Variants in HEATR4 observed in about 807,000 individuals in gnomAD.
The protein encoded by HEATR4 is HEAT repeat containing 4.
HEATR4 carries 95 observed loss-of-function variants against 108.8 expected under a neutral mutation model. The ratio of observed to expected loss-of-function variants is 0.87; its 90% CI spans 0.74 to 1.04. The LOEUF (loss-of-function observed/expected upper bound fraction) is 1.04. Among genes scored for constraint, HEATR4 ranks in the 50% least tolerant of loss-of-function variants. The pLI is 0.00. For missense variants in HEATR4, 1,152 were observed against 1,253.8 expected, an observed-to-expected ratio of 0.92 and a Z score of 1.23; for synonymous variants, 443 against 459.4, an observed-to-expected ratio of 0.96 and a Z score of 0.46.
the HEATR4 span, chr14:73,593,961 G>A: frequency 3.4e-6 from 5 of 1,474,748 alleles, no homozygotes; most frequent in Admixed American, 7.7e-5. Context: ...CATAGAGAGT[G>A]TAACCTTTAC....
the HEATR4 span, among the ~76,000 whole-genome samples, chr14:73,586,560 G>C: frequency 6.6e-6 from 1 of 151,918 alleles, no homozygotes; most frequent in South Asian, 2.1e-4. Flanking sequence ...CAAAAAATTA[G>C]CCTGGCGTGG....
rs1461899734 is a variant in HEATR4 at position 73,478,721 on chromosome 14, G to A, written c.2966C>T (p.Ala989Val). The A allele has an allele frequency of 9.3e-6, 15 of 1,613,854 alleles. No homozygotes were observed. Among genetic ancestry groups the A allele is most frequent in the Non-Finnish European group, 1.2e-5 (14 of 1,179,986 alleles). Reference protein sequence around the residue: ...DLRTSPEKRIAVGPFRSDYPA... With the variant: ...DLRTSPEKRIVVGPFRSDYPA... ...GTAGTCGGATCTAAATGGTCCCACAGCAATCCTTTTCTCGGGGGAGGTGCG... is the reference window on the plus strand; with the variant it reads ...GTAGTCGGATCTAAATGGTCCCACAACAATCCTTTTCTCGGGGGAGGTGCG... Residue 989 changes from alanine (A) to valine (V), a missense_variant, in exon 18 of 18, where the codon GCT (alanine) becomes GTT (valine). Coordinates refer to ENST00000553558, the MANE Select transcript of HEATR4 (RefSeq NM_001220484.1).
At chr14:73,564,735 T>C in the HEATR4 span, among the ~76,000 whole-genome samples, 1 of 143,192 alleles carries the variant, frequency 7.0e-6, no homozygotes, top group South Asian at 2.3e-4. Flanking sequence ...TTTGTTTTTT[T>C]TTTTTTTTTT....
At chr14:73,619,456 A>T in the HEATR4 span, 1 of 1,614,228 alleles carries the variant, frequency 6.2e-7, no homozygotes, top group South Asian at 1.1e-5. Context: ...TTTTATGGAC[A>T]CTTGGAGCAA....
Position 73,495,092 on chromosome 14 carries a change from T to C in HEATR4, c.2785+136A>G, listed in dbSNP as rs977062393. On this transcript the variant is annotated intron_variant, in intron 16 of 17. Coordinates refer to ENST00000553558, the MANE Select transcript of HEATR4 (RefSeq NM_001220484.1). The stretch of plus-strand genomic sequence containing the variant: ...AAAAACACAAAGACTGAGTGGATGG[T>C]AGCCAAGAGGGAAGAGAGTACCCTT... 4 of 629,618 alleles carry C rather than the reference T, an allele frequency of 6.4e-6. No individual in the cohort carries two copies. The African/African-American group carries it at 7.4e-5, about 12-fold the overall frequency. 39.0% of individuals were successfully genotyped at this position (629,618 alleles called of 1,614,324 possible). A position where few individuals can be genotyped will look rare whatever the true frequency, so the allele number is the denominator to read the frequency against.
At chr14:73,590,781 C>T in the HEATR4 span, among the ~76,000 whole-genome samples, 3 of 151,774 alleles carry the variant, frequency 2.0e-5, no homozygotes, top group African/African-American at 4.8e-5. Context: ...GCCCGCAAGC[C>T]CCGCGGGCAG....
the HEATR4 span, chr14:73,612,759 A>G: frequency 5.8e-6 from 8 of 1,371,096 alleles, no homozygotes; most frequent in Non-Finnish European, 7.5e-6. Context: ...CTGGACCTGG[A>G]GCGCGCGCCC....
intron 17 of HEATR4, among the ~76,000 whole-genome samples, chr14:73,482,279 T>C (rs1164899271): frequency 6.6e-6 from 1 of 152,208 alleles, no homozygotes; most frequent in Non-Finnish European, 1.5e-5. Flanking sequence ...CCCAGCACTT[T>C]GGAAGCCTGA....
the HEATR4 span, among the ~76,000 whole-genome samples, chr14:73,613,814 T>A: frequency 6.6e-6 from 1 of 152,084 alleles, no homozygotes; most frequent in African/African-American, 2.4e-5. Flanking sequence ...AAACACAGGA[T>A]GTTTGCTAGG....
At chr14:73,565,031 TA>T in the HEATR4 span, among the ~76,000 whole-genome samples, 2 of 152,110 alleles carry the variant, frequency 1.3e-5, no homozygotes, top group African/African-American at 4.8e-5. Context: ...TGATTTCATT[TA>T]TGACATCACA....
chr14:73,604,016 G>A, the HEATR4 span, among the ~76,000 whole-genome samples: 1 of 152,140 alleles, frequency 6.6e-6, no homozygotes. Flanking sequence ...ACAGGTGTGA[G>A]CCACCATGGC....
At chr14:73,517,633 T>C (rs1044538844) in intron 5 of HEATR4, 20 of 130,062 alleles carry the variant, frequency 1.5e-4, no homozygotes, top group African/African-American at 5.4e-4. Flanking sequence ...TGTACCACTG[T>C]GCTCAGCCTG....
chr14:73,518,171 G>A (rs918762637), intron 5 of HEATR4, among the ~76,000 whole-genome samples: 2 of 152,186 alleles, frequency 1.3e-5, no homozygotes, highest in Non-Finnish European at 2.9e-5. Context: ...GAATGTGCCT[G>A]TGCCTCCAAG....
chr14:73,593,840 A>T, the HEATR4 span: 6 of 1,614,064 alleles, frequency 3.7e-6, no homozygotes, highest in Non-Finnish European at 5.1e-6. Context: ...CTCCCCAATA[A>T]CATGGACAAC....
chr14:73,582,791 T>G, the HEATR4 span: 1 of 152,216 alleles, frequency 6.6e-6, no homozygotes, highest in Non-Finnish European at 1.5e-5. Context: ...GTCTCCCTAC[T>G]GCCAGTCTCT....
At chr14:73,527,735 T>C (rs1056700109) in intron 2 of HEATR4, among the ~76,000 whole-genome samples, 3 of 151,832 alleles carry the variant, frequency 2.0e-5, no homozygotes, top group Admixed American at 6.6e-5. Context: ...CCTAGCACTT[T>C]GGGAGGCCAA....
In HEATR4 at chr14:73,549,032, T is replaced by C. The variant is rs1328687680; in HGVS notation, c.-152+9719A>G. 1.8e-5 allele frequency among the ~76,000 whole-genome samples: 2 copies of C among 113,230 alleles called. 1 individual carries two copies. Among genetic ancestry groups the C allele is most frequent in the Non-Finnish European group, 3.8e-5 (2 of 52,042 alleles). The allele number at this position is 113,230 out of a possible 152,430, so 74.3% of individuals were successfully genotyped here. On this transcript the variant is annotated intron_variant, in intron 1 of 17. Transcript: ENST00000553558. ...AAAATGTCTTATACCGGGTAATTTA[T>C]AAACAACAGAAATGTATTGCTCACA...
In HEATR4 at chr14:73,522,432, A is replaced by G. The variant is rs1888031584; in HGVS notation, c.721T>C (p.Tyr241His). ...TCATCCCGAATGTGACTCCAGTCGT[A>G]CTGCTGGCGCAGGAAGCTCTGCCAC... is the stretch of plus-strand genomic sequence containing the variant. The part of the protein sequence containing the change: ...NKWQSFLRQQ[Y>H]DWSHIRDELT... Residue 241 changes from tyrosine (Y) to histidine (H), a missense_variant, in exon 3 of 18, where the codon TAC becomes CAC. By Grantham distance (83) the Tyr-to-His change is moderately conservative. Transcript: ENST00000553558. 8 of 1,614,106 alleles carry G rather than the reference A, an allele frequency of 5.0e-6. No homozygotes were observed. The highest frequency in any genetic ancestry group is 1.7e-5 in the Admixed American group (1 of 60,006).
chr14:73,512,698 T>C (rs1050269270), intron 6 of HEATR4, among the ~76,000 whole-genome samples: 3 of 152,374 alleles, frequency 2.0e-5, no homozygotes, highest in Middle Eastern at 3.4e-3. Context: ...AGGTTCTTTG[T>C]CTTTGAGGGC....
Sources: allele counts gnomAD v4.1 joint callset (sites outside exome capture counted in the v4.1 genomes callset), GRCh38; gene constraint gnomAD v4.1.1; transcripts MANE v1.5; gene names NCBI Gene and HGNC (gene_info 2026-07-23, HGNC 2026-07-21).